Variants in CNTNAP2 observed in about 807,000 individuals in gnomAD.
The protein encoded by CNTNAP2 is contactin-associated protein-like 2.
CNTNAP2 carries 98 observed loss-of-function variants against 155.2 expected under a neutral mutation model. The ratio of observed to expected loss-of-function variants is 0.63; its 90% CI spans 0.54 to 0.75. CNTNAP2 has a LOEUF of 0.75. Ranked by LOEUF, CNTNAP2 falls within the 30% of genes least tolerant of loss-of-function variation. The pLI is 0.00. For missense variants in CNTNAP2, 1,727 were observed against 1,688.1 expected (o/e 1.02, Z -0.40); for synonymous variants, 651 against 631.2 (o/e 1.03, Z -0.47).
At chr7:147,365,126 G>T (rs1429104888) in intron 9 of CNTNAP2, among the ~76,000 whole-genome samples, 2 of 151,712 alleles carry the variant, frequency 1.3e-5, no homozygotes, top group African/African-American at 4.8e-5. Flanking sequence ...TGAATAGGCC[G>T]AGTGCAGTGG....
intron 11 of CNTNAP2, among the ~76,000 whole-genome samples, chr7:147,487,248 TAAC>T (rs1234965439): frequency 4.6e-5 from 7 of 152,150 alleles, no homozygotes; most frequent in African/African-American, 1.7e-4. Context: ...TTGACAAAAC[TAAC>T]AATAGAAAGA....
intron 10 of CNTNAP2, among the ~76,000 whole-genome samples, chr7:147,404,797 A>G (rs946540935): frequency 1.3e-5 from 2 of 152,178 alleles, no homozygotes; most frequent in African/African-American, 4.8e-5. Context: ...ACCTAAAAGT[A>G]TCACATACCC....
chr7:148,177,116 T>C (rs1585169281), intron 18 of CNTNAP2, among the ~76,000 whole-genome samples: 1 of 152,228 alleles, frequency 6.6e-6, no homozygotes, highest in Non-Finnish European at 1.5e-5. Context: ...CAGCAATTTC[T>C]GTGTTTACTT....
intron 1 of CNTNAP2, among the ~76,000 whole-genome samples, chr7:146,432,343 A>G (rs1157022884): frequency 6.6e-6 from 1 of 152,132 alleles, no homozygotes; most frequent in Non-Finnish European, 1.5e-5. Flanking sequence ...CATACTATAA[A>G]GTTTAAGACA....
At chr7:147,858,156 T>C (rs893256739) in intron 13 of CNTNAP2, among the ~76,000 whole-genome samples, 1 of 152,184 alleles carries the variant, frequency 6.6e-6, no homozygotes, top group Non-Finnish European at 1.5e-5. Flanking sequence ...GGCGTGATCT[T>C]GGCTTACTGC....
At chr7:147,451,639 T>G (rs1210042939) in intron 10 of CNTNAP2, among the ~76,000 whole-genome samples, 1 of 151,886 alleles carries the variant, frequency 6.6e-6, no homozygotes, top group African/African-American at 2.4e-5. Flanking sequence ...ACGCCACAGC[T>G]CTGCCCATCA....
chr7:146,567,215 A>G lies in CNTNAP2; in HGVS notation c.98-207056A>G, dbSNP rs548446338. 7.9e-5 allele frequency among the ~76,000 whole-genome samples: 12 copies of G among 152,302 alleles called. No homozygotes were observed. The East Asian group carries it at 1.2e-3, about 15-fold the overall frequency. On this transcript the variant is annotated intron_variant, in intron 1 of 23. Coordinates refer to ENST00000361727, the MANE Select transcript of CNTNAP2 (RefSeq NM_014141.6). ...CAGGAATAGCCCAATACAGGAATTC[A>G]TTTTTTGTCTGCCTTGGCATACTGC...
intron 13 of CNTNAP2, among the ~76,000 whole-genome samples, chr7:147,738,723 T>G (rs2177721): frequency 1.3e-5 from 2 of 149,862 alleles, no homozygotes; most frequent in African/African-American, 2.5e-5. Context: ...GGTGCAATCT[T>G]GGGTCACTGC....
At chr7:147,817,999 G>A (rs1798301943) in intron 13 of CNTNAP2, among the ~76,000 whole-genome samples, 1 of 151,610 alleles carries the variant, frequency 6.6e-6, no homozygotes, top group Non-Finnish European at 1.5e-5. Context: ...AGTTTATGGG[G>A]ATTCATTATA....
In CNTNAP2 at chr7:147,707,050, C is replaced by T. The variant is rs183274008; in HGVS notation, c.2098+67744C>T. Among the ~76,000 whole-genome samples the T allele has an allele frequency of 4.6e-5, 7 of 151,626 alleles. No individual in the cohort carries two copies. In the East Asian group the frequency reaches 1.4e-3, roughly 29 times the overall value. On this transcript the variant is annotated intron_variant, in intron 13 of 23. Coordinates refer to ENST00000361727, the MANE Select transcript of CNTNAP2 (RefSeq NM_014141.6). ...ATATTCTGAATTTTTTTTCTGATTT[C>T]TTTGTATTCTCTTGCATTTCACTGA...
At chr7:148,352,265 A>G (rs1032391860) in intron 21 of CNTNAP2, among the ~76,000 whole-genome samples, 1 of 152,168 alleles carries the variant, frequency 6.6e-6, no homozygotes, top group Non-Finnish European at 1.5e-5. Context: ...CAGAAGGGCA[A>G]AAGTGGAAAT....
chr7:146,723,144 T>G (rs942739547), intron 1 of CNTNAP2, among the ~76,000 whole-genome samples: 1 of 152,086 alleles, frequency 6.6e-6, no homozygotes, highest in Non-Finnish European at 1.5e-5. Context: ...AGGCACTAAT[T>G]TAAGTTGACT....
intron 1 of CNTNAP2, among the ~76,000 whole-genome samples, chr7:146,450,291 G>A (rs1796459788): frequency 6.6e-6 from 1 of 152,098 alleles, no homozygotes; most frequent in Non-Finnish European, 1.5e-5. Flanking sequence ...ATCTATTGCT[G>A]CATAGCATAC....
At chr7:148,198,594 A>G (rs2116727951) in intron 18 of CNTNAP2, among the ~76,000 whole-genome samples, 1 of 152,294 alleles carries the variant, frequency 6.6e-6, no homozygotes, top group African/African-American at 2.4e-5. Context: ...GGTAGCCACC[A>G]TCATAAGCTT....
chr7:148,325,666 T>G (rs1797872315), intron 21 of CNTNAP2, among the ~76,000 whole-genome samples: 1 of 152,204 alleles, frequency 6.6e-6, no homozygotes, highest in Non-Finnish European at 1.5e-5. Context: ...CATGTAAACA[T>G]AGAACTTTTT....
intron 13 of CNTNAP2, among the ~76,000 whole-genome samples, chr7:147,833,714 T>A (rs1011822505): frequency 6.6e-6 from 1 of 152,162 alleles, no homozygotes; most frequent in East Asian, 1.9e-4. Flanking sequence ...ACTGCCCCAA[T>A]ACACACTTCT....
chr7:146,218,719 A>G (rs1799157720), intron 1 of CNTNAP2, among the ~76,000 whole-genome samples: 1 of 152,124 alleles, frequency 6.6e-6, no homozygotes. Context: ...TCAACTAATG[A>G]ACTTTTATTT....
At chr7:148,097,627 T>C (rs1363266259) in intron 15 of CNTNAP2, among the ~76,000 whole-genome samples, 1 of 152,110 alleles carries the variant, frequency 6.6e-6, no homozygotes, top group African/African-American at 2.4e-5. Flanking sequence ...TGGAAGCTAC[T>C]CTTTCTAAAT....
At chr7:147,441,945 C>A (rs1225170301) in intron 10 of CNTNAP2, among the ~76,000 whole-genome samples, 6 of 149,894 alleles carry the variant, frequency 4.0e-5, no homozygotes, top group African/African-American at 1.5e-4. Flanking sequence ...CTATGGCAAC[C>A]ACCACTAGGT....
Sources: gnomAD v4.1 joint callset for allele counts (sites outside exome capture counted in the v4.1 genomes callset) on GRCh38, gnomAD v4.1.1 for gene constraint, MANE v1.5 for transcripts, NCBI Gene and HGNC (gene_info 2026-07-23, HGNC 2026-07-21) for gene names.